SLC39A11: variants seen among roughly 807,000 people sequenced by gnomAD.
SLC39A11 encodes zinc transporter ZIP11.
SLC39A11 carries 33 observed loss-of-function variants against 36.1 expected under a neutral mutation model. The ratio of observed to expected loss-of-function variants is 0.91; its 90% CI spans 0.69 to 1.22. The LOEUF (loss-of-function observed/expected upper bound fraction) is 1.22. SLC39A11 is among the 50% of genes most tolerant of loss of function. SLC39A11 has a pLI of 0.00. For missense variants in SLC39A11, 432 were observed against 430.3 expected (o/e 1.00, Z -0.03); for synonymous variants, 166 against 170.3 (o/e 0.97, Z 0.20).
intron 4 of SLC39A11, among the ~76,000 whole-genome samples, chr17:72,990,721 C>G (rs1001015929): frequency 3.3e-5 from 5 of 152,126 alleles, no homozygotes; most frequent in African/African-American, 9.7e-5. Flanking sequence ...AAGAACCGTG[C>G]CTGTCCCATA....
intron 6 of SLC39A11, among the ~76,000 whole-genome samples, chr17:72,743,184 T>C (rs895193269): frequency 6.6e-6 from 1 of 152,030 alleles, no homozygotes; most frequent in Non-Finnish European, 1.5e-5. Flanking sequence ...CTGCCCTAGG[T>C]GACCCAGCTG....
rs1246400207 is a variant in SLC39A11 at position 72,648,798 on chromosome 17, C to A, written c.929+5G>T. The A allele has an allele frequency of 1.2e-6, 2 of 1,614,122 alleles. No individual in the cohort carries two copies. Among genetic ancestry groups the A allele is most frequent in the Non-Finnish European group, 1.7e-6 (2 of 1,180,012 alleles). Reference sequence around the variant, plus strand: ...GGGACAGACAGGGAGGGAAGGTTCTCCAACCTGATCTGGGCTTCGGGGATG... The same window carrying A: ...GGGACAGACAGGGAGGGAAGGTTCTACAACCTGATCTGGGCTTCGGGGATG... On this transcript the variant is annotated splice_donor_5th_base_variant and intron_variant, in intron 9 of 9. Transcript: ENST00000255559.
chr17:73,052,375 G>A (rs140534768), intron 3 of SLC39A11, among the ~76,000 whole-genome samples: 167 of 151,328 alleles, frequency 1.1e-3, no homozygotes, highest in Middle Eastern at 3.4e-3. Context: ...AAAAACAACC[G>A]AAAACACTTT....
intron 5 of SLC39A11, among the ~76,000 whole-genome samples, chr17:72,861,658 TA>T (rs2080002697): frequency 1.4e-4 from 1 of 7,180 alleles, no homozygotes; most frequent in African/African-American, 6.4e-4. Context: ...TACAACACAT[TA>T]TATATATATA....
chr17:73,062,475 A>AAAAAAAAAAAAACAAAC (rs56021607), intron 3 of SLC39A11, among the ~76,000 whole-genome samples: 2 of 87,034 alleles, frequency 2.3e-5, no homozygotes, highest in Non-Finnish European at 2.1e-5. Flanking sequence ...AAAAAAAAAA[A>AAAAAAAAAAAAACAAAC]AAACTTTAGG....
At chr17:72,780,748 G>A (rs549149439) in intron 6 of SLC39A11, among the ~76,000 whole-genome samples, 2 of 152,208 alleles carry the variant, frequency 1.3e-5, no homozygotes, top group Admixed American at 6.5e-5. Context: ...AGCACTTTGG[G>A]AGGCCAGGGC....
chr17:72,918,052 G>A (rs768380922), intron 5 of SLC39A11, among the ~76,000 whole-genome samples: 13 of 152,200 alleles, frequency 8.5e-5, no homozygotes, highest in Non-Finnish European at 1.3e-4. Flanking sequence ...TACGAGATTC[G>A]TGGGCCATCT....
intron 7 of SLC39A11, among the ~76,000 whole-genome samples, chr17:72,732,937 C>T (rs576419720): frequency 1.8e-4 from 27 of 152,296 alleles, no homozygotes; most frequent in African/African-American, 6.0e-4. Flanking sequence ...TTTACTATGC[C>T]CTATACCCCA....
intron 7 of SLC39A11, among the ~76,000 whole-genome samples, chr17:72,673,481 C>T (rs2071108270): frequency 6.6e-6 from 1 of 152,110 alleles, no homozygotes; most frequent in Admixed American, 6.6e-5. Context: ...TTTATTTAAT[C>T]ATAGTTTGCA....
chr17:72,865,425 A>C (rs1567848654), intron 5 of SLC39A11, among the ~76,000 whole-genome samples: 2 of 151,818 alleles, frequency 1.3e-5, no homozygotes, highest in Admixed American at 6.5e-5. Context: ...AAAAAAAAAA[A>C]AACAACTTTG....
intron 5 of SLC39A11, among the ~76,000 whole-genome samples, chr17:72,920,786 C>G (rs1014864837): frequency 6.6e-6 from 1 of 150,404 alleles, no homozygotes; most frequent in African/African-American, 2.5e-5. Context: ...ACACCTACAC[C>G]CCATACACAC....
At chr17:72,711,705 T>C (rs899927410) in intron 7 of SLC39A11, among the ~76,000 whole-genome samples, 6 of 152,034 alleles carry the variant, frequency 3.9e-5, no homozygotes, top group African/African-American at 1.2e-4. Flanking sequence ...ACAGGAACAT[T>C]TAGGCTGCAA....
chr17:72,665,737 T>A (rs1243579543), intron 7 of SLC39A11, among the ~76,000 whole-genome samples: 1 of 152,118 alleles, frequency 6.6e-6, no homozygotes, highest in Non-Finnish European at 1.5e-5. Context: ...TACAGTCACC[T>A]TCTCAATGAA....
chr17:72,897,513 C>T (rs756451211), intron 5 of SLC39A11, among the ~76,000 whole-genome samples: 4 of 152,076 alleles, frequency 2.6e-5, no homozygotes, highest in Admixed American at 1.3e-4. Flanking sequence ...AGTAGTTGAA[C>T]GTTGGTACCC....
At chr17:72,679,992 A>G (rs1598324026) in intron 7 of SLC39A11, among the ~76,000 whole-genome samples, 1 of 145,534 alleles carries the variant, frequency 6.9e-6, no homozygotes, top group African/African-American at 2.6e-5. Flanking sequence ...CAGTGAGCCA[A>G]GATCGAGCTA....
chr17:72,851,190 T>C (rs992578747), intron 5 of SLC39A11, among the ~76,000 whole-genome samples: 4 of 152,192 alleles, frequency 2.6e-5, no homozygotes, highest in African/African-American at 9.7e-5. Flanking sequence ...TGAGCAAACC[T>C]TCCTTTTAAA....
At chr17:72,674,600 C>T (rs948104294) in intron 7 of SLC39A11, among the ~76,000 whole-genome samples, 1 of 152,144 alleles carries the variant, frequency 6.6e-6, no homozygotes, top group Non-Finnish European at 1.5e-5. Context: ...TGCGTATGTA[C>T]TTTTATTAGA....
intron 5 of SLC39A11, among the ~76,000 whole-genome samples, chr17:72,877,925 C>T (rs942901872): frequency 1.3e-5 from 2 of 151,434 alleles, no homozygotes; most frequent in African/African-American, 4.9e-5. Flanking sequence ...CGCATTAACT[C>T]ATCATTTAGC....
chr17:73,045,595 A>G (rs2059259808), intron 3 of SLC39A11, among the ~76,000 whole-genome samples: 1 of 152,142 alleles, frequency 6.6e-6, no homozygotes, highest in Non-Finnish European at 1.5e-5. Context: ...CCAGTCTAAT[A>G]ACGCTTAGGC....
Sources: allele counts gnomAD v4.1 joint callset (sites outside exome capture counted in the v4.1 genomes callset), GRCh38; gene constraint gnomAD v4.1.1; transcripts MANE v1.5; gene names NCBI Gene and HGNC (gene_info 2026-07-23, HGNC 2026-07-21).